SMIM23: variants seen among roughly 807,000 people sequenced by gnomAD.
The protein encoded by SMIM23 is CTB-78H18.1.
A neutral mutation model predicts 12.8 loss-of-function variants in SMIM23; 10 were observed. The observed-to-expected ratio is 0.78, with a 90% CI of 0.48 to 1.32. The LOEUF is 1.32. Among genes scored for constraint, SMIM23 ranks in the 40% most tolerant of loss-of-function variants. The probability of loss-of-function intolerance (pLI) is 0.00; values close to 1 mark genes in which losing one functional copy is unlikely to be tolerated. For missense variants in SMIM23, 184 were observed against 198.2 expected, an observed-to-expected ratio of 0.93 and a Z score of 0.43; for synonymous variants, 78 against 80.1, an observed-to-expected ratio of 0.97 and a Z score of 0.14.
At chr5:171,789,820 T>C (rs1581076162) in intron 1 of SMIM23, among the ~76,000 whole-genome samples, 2 of 152,328 alleles carry the variant, frequency 1.3e-5, no homozygotes, top group African/African-American at 4.8e-5. Flanking sequence ...AAGGAAACTT[T>C]CTAAGATGAC....
chr5:171,781,424 C>G (rs1755723703), upstream of SMIM23, among the ~76,000 whole-genome samples: 2 of 152,182 alleles, frequency 1.3e-5, no homozygotes, highest in African/African-American at 4.8e-5. Flanking sequence ...ATGTAACTGT[C>G]ATACCTCATG....
At chr5:171,784,617 G>T (rs1245796549), upstream of SMIM23, among the ~76,000 whole-genome samples, 2 of 152,154 alleles carry the variant, frequency 1.3e-5, no homozygotes, top group Non-Finnish European at 2.9e-5. Flanking sequence ...CTGGAAAACA[G>T]TTTGACAATT....
intron 1 of SMIM23, among the ~76,000 whole-genome samples, chr5:171,788,720 G>C (rs547639928): frequency 6.6e-6 from 1 of 152,272 alleles, no homozygotes; most frequent in Non-Finnish European, 1.5e-5. Context: ...TCAATCCTTT[G>C]AGATGAAAAT....
chr5:171,785,178 A>AC (rs1755791560), upstream of SMIM23, among the ~76,000 whole-genome samples: 2 of 152,080 alleles, frequency 1.3e-5, no homozygotes, highest in South Asian at 2.1e-4. Context: ...ACACACACAC[A>AC]AATGAGAACA....
rs1755807642 is a variant in SMIM23, at chr5:171,785,880, C to T, written c.9C>T (p.Thr3=). MA[T]QQVDSRRQVA... Reference sequence around the variant, plus strand: ...CAGCCAGATCTGAGGCCATGGCAACCCAGCAAGTGGACAGCAGAAGGCAGG... The same window carrying T: ...CAGCCAGATCTGAGGCCATGGCAACTCAGCAAGTGGACAGCAGAAGGCAGG... The change falls in exon 1 of 4, where the codon ACC becomes ACT. Residue 3 remains threonine, a synonymous_variant. Transcript: ENST00000523047. The T allele has an allele frequency of 2.0e-6, 3 of 1,536,208 alleles. No homozygotes were observed. The highest frequency in any genetic ancestry group is 2.7e-5 in the African/African-American group (2 of 73,152).
the SMIM23 span, among the ~76,000 whole-genome samples, chr5:171,772,825 C>T: frequency 6.6e-6 from 1 of 152,188 alleles, no homozygotes; most frequent in African/African-American, 2.4e-5. Flanking sequence ...AACTGTGGGA[C>T]CGTCTGGTCG....
upstream of SMIM23, chr5:171,782,672 G>A (rs254920): frequency 0.7 from 106,076 of 152,134 alleles, 38,104 homozygotes; most frequent in African/African-American, 0.88. Flanking sequence ...GCCAAGTACT[G>A]TGAATACAAA....
At chr5:171,781,055 T>C (rs1318503694), upstream of SMIM23, among the ~76,000 whole-genome samples, 1 of 152,228 alleles carries the variant, frequency 6.6e-6, no homozygotes, top group Non-Finnish European at 1.5e-5. Context: ...GTAAAGCACT[T>C]TGCACAATGC....
chr5:171,783,109 A>C (rs1057427842), upstream of SMIM23, among the ~76,000 whole-genome samples: 2 of 152,268 alleles, frequency 1.3e-5, no homozygotes, highest in Admixed American at 1.3e-4. Flanking sequence ...AAACATGTAC[A>C]AAAGCTATAT....
upstream of SMIM23, among the ~76,000 whole-genome samples, chr5:171,778,605 G>A (rs921098208): frequency 2.0e-5 from 3 of 152,284 alleles, no homozygotes; most frequent in African/African-American, 4.8e-5. Context: ...AAGAGTTGAA[G>A]AATGGGTTCC....
Position 171,790,274 on chromosome 5 carries a change from GAT to G in SMIM23, c.153_154del (p.Ile51MetfsTer15). 2 of 1,536,118 alleles carry G rather than the reference GAT, an allele frequency of 1.3e-6. No homozygotes were observed. Among genetic ancestry groups the G allele is most frequent in the Non-Finnish European group, 1.7e-6 (2 of 1,146,912 alleles). ...TCTTGGTGCTGTACTTGAGCACAGA[GAT>G]ATGGGGTGAGCATTCTGGAATCTGA... ...LILVLYLSTEIWGSSWEVSER... is the reference protein window; with the variant it reads ...LILVLYLSTEXWGSSWEVSER... On this transcript the variant is annotated frameshift_variant, in exon 2 of 4. Coordinates refer to ENST00000523047, the MANE Select transcript of SMIM23 (RefSeq NM_001289970.2). LOFTEE classifies it high-confidence loss of function.
chr5:171,777,777 G>C (rs1200944127), upstream of SMIM23, among the ~76,000 whole-genome samples: 2 of 152,180 alleles, frequency 1.3e-5, no homozygotes, highest in African/African-American at 4.8e-5. Context: ...ACACTCAGCT[G>C]CTCCATCCCT....
intron 1 of SMIM23, among the ~76,000 whole-genome samples, chr5:171,788,161 C>T (rs1169043503): frequency 1.5e-5 from 2 of 135,986 alleles, no homozygotes; most frequent in Non-Finnish European, 3.0e-5. Context: ...AGTCAATATG[C>T]ACACACACAC....
chr5:171,790,981 T>G lies in SMIM23; in HGVS notation c.412T>G (p.Cys138Gly), dbSNP rs1448987353. The G allele has an allele frequency of 1.3e-6, 2 of 1,535,984 alleles. No homozygotes were observed. The highest frequency in any genetic ancestry group is 1.2e-5 in the South Asian group (1 of 84,060). Residue 138 changes from cysteine to glycine, a missense_variant, in exon 4 of 4, where the codon TGC (cysteine) becomes GGC (glycine). Coordinates refer to ENST00000523047, the MANE Select transcript of SMIM23 (RefSeq NM_001289970.2). ...GGGAGAGCCACACCAGGAGGAGCAC[T>G]GCTCCACATATAAAAGTCACTTGTG... ...LLGEPHQEEHCSTYKSHLWEW... is the reference protein window; with the variant it reads ...LLGEPHQEEHGSTYKSHLWEW...
At chr5:171,784,800 C>T (rs1369409563), upstream of SMIM23, among the ~76,000 whole-genome samples, 14 of 152,136 alleles carry the variant, frequency 9.2e-5, no homozygotes, top group Admixed American at 3.9e-4. Flanking sequence ...AGGTTTGGAA[C>T]GTGTCCTTCA....
the SMIM23 span, among the ~76,000 whole-genome samples, chr5:171,775,543 T>G: frequency 6.6e-6 from 1 of 152,080 alleles, no homozygotes; most frequent in Admixed American, 6.5e-5. Flanking sequence ...CTCCTCCAGT[T>G]TGACTTACCG....
intron 1 of SMIM23, among the ~76,000 whole-genome samples, chr5:171,786,876 C>G (rs572829133): frequency 2.6e-5 from 4 of 152,076 alleles, no homozygotes; most frequent in Non-Finnish European, 5.9e-5. Context: ...TACCCGCATC[C>G]CCTCCTGAAG....
upstream of SMIM23, among the ~76,000 whole-genome samples, chr5:171,781,038 A>G (rs372057663): frequency 2.0e-5 from 3 of 152,236 alleles, no homozygotes; most frequent in East Asian, 3.8e-4. Context: ...ATGGTGAACC[A>G]ATGCATGTAA....
Position 171,791,074 on chromosome 5 carries a change from G to C in SMIM23, c.505G>C (p.Gly169Arg). 1 of 1,502,630 alleles carries C rather than the reference G, an allele frequency of 6.7e-7. No individual in the cohort carries two copies. Among genetic ancestry groups the C allele is most frequent in the South Asian group, 1.3e-5 (1 of 79,362 alleles). The allele number at this position is 1,502,630 out of a possible 1,614,324, so 93.1% of individuals were successfully genotyped here. A position where few individuals can be genotyped will look rare whatever the true frequency, so the allele number is the denominator to read the frequency against. Residue 169 changes from glycine (G) to arginine (R), a missense_variant, in exon 4 of 4, where the codon GGG (glycine) becomes CGG (arginine). Coordinates refer to ENST00000523047, the MANE Select transcript of SMIM23 (RefSeq NM_001289970.2). ...GEGLLEISLS[G>R]AEL Reference sequence around the variant, plus strand: ...GGGGTTGCTAGAGATTTCTCTAAGCGGGGCAGAGCTCTGACTCTTGAAGTT... The same window carrying C: ...GGGGTTGCTAGAGATTTCTCTAAGCCGGGCAGAGCTCTGACTCTTGAAGTT...
Sources: gnomAD v4.1 joint callset for allele counts (sites outside exome capture counted in the v4.1 genomes callset) on GRCh38, gnomAD v4.1.1 for gene constraint, MANE v1.5 for transcripts, NCBI Gene and HGNC (gene_info 2026-07-23, HGNC 2026-07-21) for gene names.